PIP4K2A: variants seen among roughly 807,000 people sequenced by gnomAD.
PIP4K2A encodes the protein phosphatidylinositol-5-phosphate 4-kinase type 2 alpha, also known as phosphatidylinositol 5-phosphate 4-kinase type-2 alpha.
PIP4K2A carries 14 observed loss-of-function variants against 42.9 expected under a neutral mutation model. The ratio of observed to expected loss-of-function variants is 0.33; its 90% CI spans 0.22 to 0.51. PIP4K2A has a LOEUF of 0.51. Among genes scored for constraint, PIP4K2A ranks in the 20% least tolerant of loss-of-function variants. The pLI is 0.97. For missense variants in PIP4K2A, 434 were observed against 519.8 expected (o/e 0.83, Z 1.61); for synonymous variants, 192 against 192.2 (o/e 1.00, Z 0.01).
chr10:22,553,563 A>G (rs1836462022), intron 6 of PIP4K2A, among the ~76,000 whole-genome samples: 1 of 152,216 alleles, frequency 6.6e-6, no homozygotes, highest in African/African-American at 2.4e-5. Context: ...GGAAACTGAG[A>G]TCATGCAATT....
rs1002492534 is a variant in PIP4K2A, at chr10:22,674,415, CAAAAAAAAA to C, written c.144+39759_144+39767del. Among the ~76,000 whole-genome samples the C allele has an allele frequency of 5.4e-3, 332 of 61,132 alleles. 4 individuals are homozygous for C. The highest frequency in any genetic ancestry group is 0.016 in the African/African-American group (319 of 19,610). The allele number at this position is 61,132 out of a possible 152,430, so 40.1% of individuals were successfully genotyped here. Reference sequence around the variant, plus strand: ...AGACAAGAGACAAGACACTTGGGAGCAAAAAAAAAAAAAAAAAAAAAAAGAAGACCAGAC... The same window carrying C: ...AGACAAGAGACAAGACACTTGGGAGCAAAAAAAAAAAAAAGAAGACCAGAC... On this transcript the variant is annotated intron_variant, in intron 1 of 9. Transcript: ENST00000376573.
At chr10:22,690,877 A>G (rs1029234364) in intron 1 of PIP4K2A, among the ~76,000 whole-genome samples, 3 of 152,190 alleles carry the variant, frequency 2.0e-5, no homozygotes, top group Non-Finnish European at 4.4e-5. Context: ...ACAAGAAAAA[A>G]ATTAACAAAG....
chr10:22,535,961 A>C lies in PIP4K2A; in HGVS notation c.*1240T>G, dbSNP rs1835908254. The C allele has an allele frequency of 2.5e-6, 1 of 395,240 alleles. No homozygotes were observed. The highest frequency in any genetic ancestry group is 4.5e-6 in the Non-Finnish European group (1 of 224,402). 24.5% of individuals were successfully genotyped at this position (395,240 alleles called of 1,614,324 possible). ...TACTTTGACTAAAACACTCACGTAAAAACATGGCTGCAGGATACGTCTCAA... is the reference window on the plus strand; with the variant it reads ...TACTTTGACTAAAACACTCACGTAACAACATGGCTGCAGGATACGTCTCAA... On this transcript the variant is annotated 3_prime_UTR_variant, in exon 10 of 10. Coordinates refer to ENST00000376573, the MANE Select transcript of PIP4K2A (RefSeq NM_005028.5).
rs1554807162 is a variant in PIP4K2A, at chr10:22,664,048, C to CAT, written c.144+50133_144+50134dup. Among the ~76,000 whole-genome samples, 357 of 76,734 alleles carry CAT rather than the reference C, an allele frequency of 4.7e-3. 13 individuals carry two copies. Among genetic ancestry groups the CAT allele is most frequent in the African/African-American group, 0.028 (263 of 9,374 alleles). 50.3% of individuals were successfully genotyped at this position (76,734 alleles called of 152,430 possible). On this transcript the variant is annotated intron_variant, in intron 1 of 9. Coordinates refer to ENST00000376573, the MANE Select transcript of PIP4K2A (RefSeq NM_005028.5). ...ATATATATACATATATATATATATA[C>CAT]ATATGTATATATACATATATATATA...
chr10:22,603,360 G>T (rs897331192), intron 3 of PIP4K2A, among the ~76,000 whole-genome samples: 2 of 152,154 alleles, frequency 1.3e-5, no homozygotes, highest in African/African-American at 4.8e-5. Flanking sequence ...AACCCTCTCT[G>T]GCAGCTACTA....
chr10:22,580,129 GT>G (rs1837230839), intron 4 of PIP4K2A, among the ~76,000 whole-genome samples: 1 of 151,756 alleles, frequency 6.6e-6, no homozygotes, highest in African/African-American at 2.4e-5. Context: ...GACACGGGTT[GT>G]ATCTTTAATG....
intron 3 of PIP4K2A, among the ~76,000 whole-genome samples, chr10:22,600,432 G>A (rs1395305216): frequency 6.6e-6 from 1 of 152,098 alleles, no homozygotes; most frequent in African/African-American, 2.4e-5. Context: ...GCCGGAGAGA[G>A]CACTGTGTCC....
intron 1 of PIP4K2A, among the ~76,000 whole-genome samples, chr10:22,687,542 C>T (rs1238016962): frequency 2.0e-5 from 3 of 151,844 alleles, no homozygotes; most frequent in Non-Finnish European, 4.4e-5. Flanking sequence ...GTTACGAAAG[C>T]AGACACACAC....
chr10:22,705,597 C>G (rs1254904906), intron 1 of PIP4K2A, among the ~76,000 whole-genome samples: 2 of 151,848 alleles, frequency 1.3e-5, no homozygotes, highest in Non-Finnish European at 2.9e-5. Flanking sequence ...GGCTTGAAAC[C>G]AAAGATTTAC....
In PIP4K2A at chr10:22,587,365, T is replaced by C. The variant is rs563516790; in HGVS notation, c.492+4264A>G. Among the ~76,000 whole-genome samples the C allele has an allele frequency of 3.3e-5, 5 of 152,278 alleles. No individual in the cohort carries two copies. In the South Asian group the frequency reaches 1.0e-3, roughly 32 times the overall value. ...GCACCTGAACGATCTGCATTACTTGTCTAGATTCGGAAGGTTCAGAAGCCC... is the reference window on the plus strand; with the variant it reads ...GCACCTGAACGATCTGCATTACTTGCCTAGATTCGGAAGGTTCAGAAGCCC... On this transcript the variant is annotated intron_variant, in intron 4 of 9. Transcript: ENST00000376573.
intron 1 of PIP4K2A, among the ~76,000 whole-genome samples, chr10:22,678,929 T>G (rs1839611941): frequency 6.6e-6 from 1 of 152,206 alleles, no homozygotes; most frequent in Admixed American, 6.5e-5. Context: ...CCTTGAAGGA[T>G]CTGCCTTTTT....
At chr10:22,583,013 GA>G (rs1012203511) in intron 4 of PIP4K2A, among the ~76,000 whole-genome samples, 1 of 151,756 alleles carries the variant, frequency 6.6e-6, no homozygotes, top group African/African-American at 2.4e-5. Context: ...AGCTTAAAAG[GA>G]ACAAGCATTC....
chr10:22,591,484 T>G (rs1837509408), intron 4 of PIP4K2A, 145 bp downstream of exon 4: 1 of 572,010 alleles, frequency 1.7e-6, no homozygotes, highest in African/African-American at 1.9e-5. Context: ...CCACTGTAAT[T>G]TTAGAACACA....
At chr10:22,571,635 C>T (rs941427663) in intron 5 of PIP4K2A, among the ~76,000 whole-genome samples, 3 of 152,170 alleles carry the variant, frequency 2.0e-5, no homozygotes, top group African/African-American at 7.2e-5. Flanking sequence ...ACAAAAAGTT[C>T]ATTGATATGA....
chr10:22,682,770 A>G (rs1352292232), intron 1 of PIP4K2A, among the ~76,000 whole-genome samples: 1 of 152,168 alleles, frequency 6.6e-6, no homozygotes, highest in South Asian at 2.1e-4. Context: ...CTACTCAGGG[A>G]GGGAGAACTA....
chr10:22,596,277 G>T (rs1488369132), intron 3 of PIP4K2A, among the ~76,000 whole-genome samples: 1 of 151,048 alleles, frequency 6.6e-6, no homozygotes, highest in African/African-American at 2.4e-5. Flanking sequence ...GTAAAGCATG[G>T]GCCTCGGAAG....
chr10:22,536,154 T>C lies in PIP4K2A; in HGVS notation c.*1047A>G. 1 of 398,558 alleles carries C rather than the reference T, an allele frequency of 2.5e-6. No homozygotes were observed. Among genetic ancestry groups the C allele is most frequent in the Non-Finnish European group, 4.4e-6 (1 of 226,028 alleles). The allele number at this position is 398,558 out of a possible 1,614,324, so 24.7% of individuals were successfully genotyped here. On this transcript the variant is annotated 3_prime_UTR_variant, in exon 10 of 10. Transcript: ENST00000376573. Reference sequence around the variant, plus strand: ...AGGGATAATTCGTAACAAAATCCCATTGTTGAAACAATGGTCAAACATAAA... The same window carrying C: ...AGGGATAATTCGTAACAAAATCCCACTGTTGAAACAATGGTCAAACATAAA...
chr10:22,560,495 C>G (rs948612609), intron 6 of PIP4K2A, among the ~76,000 whole-genome samples: 1 of 152,216 alleles, frequency 6.6e-6, no homozygotes, highest in Admixed American at 6.5e-5. Flanking sequence ...TTAATCCTCT[C>G]GAACCCTCAG....
chr10:22,602,893 C>A (rs544594322), intron 3 of PIP4K2A, among the ~76,000 whole-genome samples: 2 of 152,056 alleles, frequency 1.3e-5, no homozygotes, highest in Non-Finnish European at 1.5e-5. Context: ...TTGTGCTCAA[C>A]GGGTGACAGG....
Sources: gnomAD v4.1 joint callset for allele counts (sites outside exome capture counted in the v4.1 genomes callset) on GRCh38, gnomAD v4.1.1 for gene constraint, MANE v1.5 for transcripts, NCBI Gene and HGNC (gene_info 2026-07-23, HGNC 2026-07-21) for gene names.